The following MCPH1 variants were observed in gnomAD, a reference collection of about 807,000 sequenced individuals.
The protein encoded by MCPH1 is microcephalin 1.
A neutral mutation model predicts 84.5 loss-of-function variants in MCPH1; 104 were observed. That is an observed-to-expected ratio of 1.23 (90% CI 1.05 to 1.45). The LOEUF is 1.45. Among genes scored for constraint, MCPH1 ranks in the 40% most tolerant of loss-of-function variants. MCPH1 has a pLI of 0.00. For synonymous variants in MCPH1, 514 were observed against 366.8 expected (o/e 1.40, Z -4.58); for missense variants, 1,498 against 1,005.7 (o/e 1.49, Z -6.62).
At chr8:6,600,481 C>A (rs956351958) in intron 12 of MCPH1, among the ~76,000 whole-genome samples, 2 of 152,290 alleles carry the variant, frequency 1.3e-5, no homozygotes, top group East Asian at 3.9e-4. Context: ...GGGATTGGGG[C>A]GGCACTGGCC....
At chr8:6,540,258 C>T (rs527563411) in intron 12 of MCPH1, among the ~76,000 whole-genome samples, 82 of 152,276 alleles carry the variant, frequency 5.4e-4, no homozygotes, top group Middle Eastern at 3.4e-3. Flanking sequence ...GTTTCCCTTA[C>T]CACTACTCCA....
At chr8:6,514,628 A>AT in intron 12 of MCPH1, 1 of 1,537,130 alleles carries the variant, frequency 6.5e-7, no homozygotes, top group African/African-American at 1.4e-5. Flanking sequence ...CTTGAAAGCT[A>AT]TTTTTCACAA....
Position 6,431,519 on chromosome 8 carries a change from A to G in MCPH1, c.254A>G (p.His85Arg), listed in dbSNP as rs1480812764. The G allele has an allele frequency of 1.2e-6, 2 of 1,613,608 alleles. No individual in the cohort carries two copies. The highest frequency in any genetic ancestry group is 1.7e-6 in the Non-Finnish European group (2 of 1,179,758). ...WVEKCRTAGA[H>R]IDESLFPAAN... ...TACAGATGCAGGACAGCTGGAGCACACATTGATGAATCATTGTTCCCTGCA... is the reference window on the plus strand; with the variant it reads ...TACAGATGCAGGACAGCTGGAGCACGCATTGATGAATCATTGTTCCCTGCA... The change falls in exon 4 of 14, where the codon CAC becomes CGC. Residue 85 changes from histidine to arginine, a missense_variant. By Grantham distance (29) the His-to-Arg change is conservative. Transcript: ENST00000344683.
Position 6,611,658 on chromosome 8 carries a change from T to G in MCPH1, c.2215-9796T>G, listed in dbSNP as rs375861363. Among the ~76,000 whole-genome samples, 68 of 152,102 alleles carry G rather than the reference T, an allele frequency of 4.5e-4. 1 individual carries two copies. Among genetic ancestry groups the G allele is most frequent in the Middle Eastern group, 6.8e-3 (2 of 292 alleles). On this transcript the variant is annotated intron_variant, in intron 12 of 13. Coordinates refer to ENST00000344683, the MANE Select transcript of MCPH1 (RefSeq NM_024596.5). Reference sequence around the variant, plus strand: ...TTTAAAGACATAGTCTCACTCTGTCTCCCAGGCTGGAGTGCAGTGGCGCCA... The same window carrying G: ...TTTAAAGACATAGTCTCACTCTGTCGCCCAGGCTGGAGTGCAGTGGCGCCA...
At chr8:6,466,858 G>A (rs1356083706) in intron 9 of MCPH1, among the ~76,000 whole-genome samples, 1 of 152,200 alleles carries the variant, frequency 6.6e-6, no homozygotes, top group Non-Finnish European at 1.5e-5. Context: ...TTACAGGGTT[G>A]AGCCAACGCG....
intron 12 of MCPH1, among the ~76,000 whole-genome samples, chr8:6,503,940 C>A (rs1016848818): frequency 3.9e-5 from 6 of 152,196 alleles, no homozygotes; most frequent in African/African-American, 1.4e-4. Context: ...GTAGTCCCCC[C>A]TTATCTGCTA....
At chr8:6,456,621 C>T (rs544163489) in intron 9 of MCPH1, among the ~76,000 whole-genome samples, 3 of 151,478 alleles carry the variant, frequency 2.0e-5, no homozygotes, top group Admixed American at 6.6e-5. Context: ...TGGTACCTCT[C>T]ATCTCTATTG....
rs534041070 is a variant in MCPH1 at position 6,444,891 on chromosome 8, C to T, written c.1169C>T (p.Ser390Leu). 2.2e-5 allele frequency: 35 copies of T among 1,614,118 alleles called. 1 individual carries two copies. The highest frequency in any genetic ancestry group is 1.8e-4 in the South Asian group (16 of 91,052). Reference protein sequence around the residue: ...SIMPRLQLCRSEDRLQHVAGP... With the variant: ...SIMPRLQLCRLEDRLQHVAGP... ...ATGCCGAGGCTGCAGCTGTGCAGGT[C>T]GGAAGACAGGCTGCAGCACGTGGCG... Residue 390 changes from serine to leucine, a missense_variant, in exon 8 of 14, where the codon TCG (serine) becomes TTG (leucine). Ser to Leu is a moderately radical substitution (Grantham distance 145, BLOSUM62 -2). Transcript: ENST00000344683.
chr8:6,598,872 C>T (rs1428401827), intron 12 of MCPH1, among the ~76,000 whole-genome samples: 1 of 152,264 alleles, frequency 6.6e-6, no homozygotes, highest in African/African-American at 2.4e-5. Flanking sequence ...CAGAATGTAA[C>T]TTTCCAAAAT....
At chr8:6,617,281 T>G (rs1467219278) in intron 12 of MCPH1, 1 of 149,516 alleles carries the variant, frequency 6.7e-6, no homozygotes, top group African/African-American at 2.5e-5. Context: ...TTTTTTGTTT[T>G]TTTTTTTGTT....
chr8:6,603,122 A>T (rs374060582), intron 12 of MCPH1, among the ~76,000 whole-genome samples: 4 of 152,128 alleles, frequency 2.6e-5, no homozygotes, highest in African/African-American at 9.7e-5. Context: ...ATGATTTTTT[A>T]AGAAAAGTCA....
intron 9 of MCPH1, among the ~76,000 whole-genome samples, chr8:6,463,643 C>G (rs1033767711): frequency 1.3e-5 from 2 of 152,076 alleles, no homozygotes; most frequent in Admixed American, 6.6e-5. Context: ...GCAGTGTGGC[C>G]AGGCCAGCTA....
chr8:6,453,090 A>T (rs1252369173), intron 8 of MCPH1, among the ~76,000 whole-genome samples: 2 of 152,214 alleles, frequency 1.3e-5, no homozygotes, highest in Non-Finnish European at 2.9e-5. Context: ...ACAACCCATG[A>T]AAAAACCACA....
At chr8:6,567,579 G>T (rs17553964) in intron 12 of MCPH1, among the ~76,000 whole-genome samples, 8,197 of 152,268 alleles carry the variant, frequency 0.054, 275 homozygotes, top group East Asian at 0.11. Flanking sequence ...TGCATGGATG[G>T]GCGCTCAGCT....
At position 6,507,515 on chromosome 8, in the gene MCPH1, G is replaced by A. The variant is rs942326603; in HGVS notation, c.2214+7586G>A. ...TTGTCTCAGTCACTAAGTAGCGTTT[G>A]TTCCTGTCAGTGAATTTCTAAACTT... On this transcript the variant is annotated intron_variant, in intron 12 of 13. Coordinates refer to ENST00000344683, the MANE Select transcript of MCPH1 (RefSeq NM_024596.5). 2.0e-5 allele frequency: 3 copies of A among 146,782 alleles called. No individual in the cohort carries two copies. In the Admixed American group the frequency reaches 2.1e-4, roughly 10 times the overall value. 9.1% of individuals were successfully genotyped at this position (146,782 alleles called of 1,614,324 possible).
At chr8:6,506,802 C>CTTTTT in intron 12 of MCPH1, among the ~76,000 whole-genome samples, 1 of 149,262 alleles carries the variant, frequency 6.7e-6, no homozygotes, top group Non-Finnish European at 1.5e-5. Context: ...TTAATGAGGC[C>CTTTTT]TGATTCTTTC....
intron 12 of MCPH1, among the ~76,000 whole-genome samples, chr8:6,559,833 C>T (rs144543752): frequency 2.5e-4 from 38 of 151,844 alleles, no homozygotes; most frequent in African/African-American, 8.5e-4. Flanking sequence ...TGGTCCACTG[C>T]AGTGTGTTTT....
At chr8:6,584,145 C>T (rs557454969) in intron 12 of MCPH1, among the ~76,000 whole-genome samples, 12 of 152,212 alleles carry the variant, frequency 7.9e-5, no homozygotes, top group African/African-American at 2.9e-4. Flanking sequence ...CCTCAGATTC[C>T]TATGGTGAAT....
rs1260681374 is a variant in MCPH1, at chr8:6,643,835, T to C, written c.*786T>C. 6.6e-6 allele frequency: 1 copy of C among 152,208 alleles called. No individual in the cohort carries two copies. Among genetic ancestry groups the C allele is most frequent in the Non-Finnish European group, 1.5e-5 (1 of 68,066 alleles). 9.4% of individuals were successfully genotyped at this position (152,208 alleles called of 1,614,324 possible). A position where few individuals can be genotyped will look rare whatever the true frequency, so the allele number is the denominator to read the frequency against. On this transcript the variant is annotated 3_prime_UTR_variant, in exon 14 of 14. Coordinates refer to ENST00000344683, the MANE Select transcript of MCPH1 (RefSeq NM_024596.5). ...GATAATTGGTGACATCTGAGTGTCT[T>C]ACTTCTGCAAGCCTGCTTTATGGTG... is the stretch of plus-strand genomic sequence containing the variant.
Sources: allele counts gnomAD v4.1 joint callset (sites outside exome capture counted in the v4.1 genomes callset), GRCh38; gene constraint gnomAD v4.1.1; transcripts MANE v1.5; gene names NCBI Gene and HGNC (gene_info 2026-07-23, HGNC 2026-07-21).